Variants in FAT1 observed in about 807,000 individuals in gnomAD.
The protein encoded by FAT1 is FAT atypical cadherin 1, also known as protocadherin Fat 1.
Under a neutral mutation model 329.8 loss-of-function variants are expected in FAT1, and 171 were observed. That is an observed-to-expected ratio of 0.52 (90% CI 0.46 to 0.59). FAT1 has a LOEUF of 0.59. Among genes scored for constraint, FAT1 ranks in the 20% least tolerant of loss-of-function variants. FAT1 has a pLI of 0.00. For missense variants in FAT1, 5,672 were observed against 5,774.4 expected, an observed-to-expected ratio of 0.98 and a Z score of 0.57; for synonymous variants, 2,233 against 2,228.6, an observed-to-expected ratio of 1.00 and a Z score of -0.06.
chr4:186,611,411 C>T lies in FAT1; in HGVS notation c.9828G>A (p.Gly3276=), dbSNP rs777858348. The change falls in exon 14 of 27, where the codon GGG becomes GGA. Residue 3276 remains glycine (G), a synonymous_variant. Transcript: ENST00000441802. The stretch of plus-strand genomic sequence containing the variant: ...CTGTTTTAGAATCTATGCTGAATTT[C>T]CCATGTTCATTTCCACTTATTATTG... The part of the protein sequence containing the change: ...TYSIISGNEH[G]KFSIDSKTGA... The T allele has an allele frequency of 7.4e-6, 12 of 1,612,652 alleles. No homozygotes were observed. Among genetic ancestry groups the T allele is most frequent in the South Asian group, 4.4e-5 (4 of 90,828 alleles).
rs756909611 is a variant in FAT1, at chr4:186,613,228, A to G, written c.9344T>C (p.Leu3115Pro). The change falls in exon 13 of 27, where the codon CTA (leucine) becomes CCA (proline). Residue 3115 changes from leucine (L) to proline (P), a missense_variant. Physicochemically the swap from Leu to Pro is moderately conservative, Grantham distance 98 (BLOSUM62 -3). Coordinates refer to ENST00000441802, the MANE Select transcript of FAT1 (RefSeq NM_005245.4). ...GGGGGCGTTATCGTTCACATCTTCT[A>G]GCGTGAGCACAATACTGGCTTGGCA... ...RFCQASIVLT[L>P]EDVNDNAPEF... 13 of 1,613,496 alleles carry G rather than the reference A, an allele frequency of 8.1e-6. No homozygotes were observed. Among genetic ancestry groups the G allele is most frequent in the Non-Finnish European group, 1.1e-5 (13 of 1,179,564 alleles).
intron 1 of FAT1, among the ~76,000 whole-genome samples, chr4:186,718,359 G>A (rs1201169892): frequency 1.3e-5 from 2 of 151,984 alleles, no homozygotes; most frequent in Non-Finnish European, 2.9e-5. Flanking sequence ...ACACACACAG[G>A]TTCTTCTCCT....
intron 3 of FAT1, among the ~76,000 whole-genome samples, chr4:186,645,366 CATATATATATATATATATATATATAT>C (rs70964973): frequency 0.035 from 1,238 of 35,466 alleles, 57 homozygotes; most frequent in Middle Eastern, 0.1. Context: ...TACTTCATTA[CATATATATATATATATATATATATAT>C]ATATATATAT....
intron 2 of FAT1, among the ~76,000 whole-genome samples, chr4:186,688,130 A>C (rs959733483): frequency 1.3e-5 from 2 of 151,760 alleles, no homozygotes; most frequent in African/African-American, 4.8e-5. Flanking sequence ...AAAAAAAAAA[A>C]AAAGCCAACA....
At chr4:186,701,083 G>T (rs77379428) in intron 2 of FAT1, among the ~76,000 whole-genome samples, 2,480 of 152,306 alleles carry the variant, frequency 0.016, 83 homozygotes, top group East Asian at 0.09. Flanking sequence ...TTCCAGGCTA[G>T]ACTTGTTCAG....
At chr4:186,691,342 G>A (rs1209468477) in intron 2 of FAT1, among the ~76,000 whole-genome samples, 3 of 152,030 alleles carry the variant, frequency 2.0e-5, no homozygotes, top group South Asian at 2.1e-4. Context: ...TATTCTCTTC[G>A]CTAACATGAT....
intron 2 of FAT1, among the ~76,000 whole-genome samples, chr4:186,681,011 G>C (rs1341284660): frequency 6.6e-6 from 1 of 152,166 alleles, no homozygotes; most frequent in East Asian, 1.9e-4. Flanking sequence ...CCTTAACATG[G>C]TATCAGTGAC....
At chr4:186,653,051 C>G (rs905971338) in intron 3 of FAT1, among the ~76,000 whole-genome samples, 1 of 152,106 alleles carries the variant, frequency 6.6e-6, no homozygotes, top group Non-Finnish European at 1.5e-5. Context: ...CACTGTATAA[C>G]GCCGTCCTCT....
intron 26 of FAT1, among the ~76,000 whole-genome samples, chr4:186,594,981 AT>A (rs2126379231): frequency 6.6e-6 from 1 of 152,188 alleles, no homozygotes; most frequent in South Asian, 2.1e-4. Flanking sequence ...TAAAAACTAC[AT>A]TGTGTTACTG....
intron 3 of FAT1, among the ~76,000 whole-genome samples, chr4:186,651,281 G>T (rs562848381): frequency 6.6e-6 from 1 of 152,038 alleles, no homozygotes; most frequent in South Asian, 2.1e-4. Context: ...TCTAGTCTAC[G>T]GATCTGTACC....
intron 1 of FAT1, among the ~76,000 whole-genome samples, chr4:186,712,714 G>C (rs191331127): frequency 4.0e-5 from 6 of 150,382 alleles, no homozygotes; most frequent in East Asian, 2.0e-4. Flanking sequence ...GCAACTCTTA[G>C]ATTCTTTGGG....
intron 2 of FAT1, among the ~76,000 whole-genome samples, chr4:186,695,528 A>G (rs1264172662): frequency 1.3e-5 from 2 of 152,154 alleles, no homozygotes; most frequent in East Asian, 1.9e-4. Context: ...TTTCTCAACA[A>G]TAGTTATTTA....
chr4:186,645,814 C>T (rs934005734), intron 3 of FAT1, among the ~76,000 whole-genome samples: 16 of 151,412 alleles, frequency 1.1e-4, no homozygotes, highest in African/African-American at 3.4e-4. Flanking sequence ...GGTGTGGTGG[C>T]GTGCACCTGT....
chr4:186,610,364 TAA>T (rs1258452038), intron 14 of FAT1, among the ~76,000 whole-genome samples: 1 of 151,956 alleles, frequency 6.6e-6, no homozygotes, highest in East Asian at 1.9e-4. Context: ...AATAAAAACG[TAA>T]AAATTCTATT....
At chr4:186,615,426 C>T (rs1360109134) in intron 11 of FAT1, among the ~76,000 whole-genome samples, 1 of 152,086 alleles carries the variant, frequency 6.6e-6, no homozygotes, top group Non-Finnish European at 1.5e-5. Flanking sequence ...TCCAACTCCT[C>T]CATCCTCTTC....
At chr4:186,662,532 G>C (rs1742224938) in intron 3 of FAT1, among the ~76,000 whole-genome samples, 1 of 152,064 alleles carries the variant, frequency 6.6e-6, no homozygotes, top group Admixed American at 6.6e-5. Flanking sequence ...TCTGAAAACT[G>C]TTCAATCCCA....
chr4:186,685,280 T>A (rs1014887966), intron 2 of FAT1, among the ~76,000 whole-genome samples: 2 of 152,194 alleles, frequency 1.3e-5, no homozygotes, highest in African/African-American at 4.8e-5. Flanking sequence ...TCTATATCCT[T>A]AAATAAAATG....
At position 186,648,202 on chromosome 4, in the gene FAT1, G is replaced by A. The variant is rs968808439; in HGVS notation, c.3581-8419C>T. Among the ~76,000 whole-genome samples, 4 of 152,106 alleles carry A rather than the reference G, an allele frequency of 2.6e-5. No individual in the cohort carries two copies. In the East Asian group the frequency reaches 7.7e-4, roughly 29 times the overall value. ...AAGAGAGGAGAGAGGAGGGAAGAGA[G>A]GAGACAGGAGAACTTCATTTTATAC... On this transcript the variant is annotated intron_variant, in intron 3 of 26. Transcript: ENST00000441802.
At chr4:186,606,763 AAAAG>A (rs1739164214) in intron 16 of FAT1, among the ~76,000 whole-genome samples, 1 of 152,192 alleles carries the variant, frequency 6.6e-6, no homozygotes. Flanking sequence ...GACCTCCCAC[AAAAG>A]AAAGAAAGTC....
Sources: gnomAD v4.1 joint callset for allele counts (sites outside exome capture counted in the v4.1 genomes callset) on GRCh38, gnomAD v4.1.1 for gene constraint, MANE v1.5 for transcripts, NCBI Gene and HGNC (gene_info 2026-07-23, HGNC 2026-07-21) for gene names.